The following LHFPL3 variants were observed in gnomAD, a reference collection of about 807,000 sequenced individuals.
The protein encoded by LHFPL3 is LHFPL tetraspan subfamily member 3 protein.
A neutral mutation model predicts 19.3 loss-of-function variants in LHFPL3; 5 were observed. The ratio of observed to expected loss-of-function variants is 0.26; its 90% CI spans 0.14 to 0.54. The LOEUF is 0.54. LHFPL3 is among the 20% of genes least tolerant of loss of function. The pLI is 0.94. For synonymous variants in LHFPL3, 133 were observed against 126.2 expected, an observed-to-expected ratio of 1.05 and a Z score of -0.36; for missense variants, 249 against 307.4, an observed-to-expected ratio of 0.81 and a Z score of 1.42.
At chr7:104,446,289 AAC>A (rs1250977696) in intron 1 of LHFPL3, among the ~76,000 whole-genome samples, 1 of 152,172 alleles carries the variant, frequency 6.6e-6, no homozygotes, top group African/African-American at 2.4e-5. Flanking sequence ...CAAATATAAA[AAC>A]ACAGTCACTG....
intron 1 of LHFPL3, among the ~76,000 whole-genome samples, chr7:104,685,439 A>AAC (rs888359382): frequency 2.6e-5 from 4 of 151,648 alleles, no homozygotes; most frequent in Admixed American, 6.6e-5. Context: ...AGTGTGTGTA[A>AAC]ACACACACAC....
Position 104,718,339 on chromosome 7 carries a change from G to A in LHFPL3, c.446-18336G>A, listed in dbSNP as rs554804196. ...ATTAAGGGGGAAAAAAGCTGCATTC[G>A]TGCCATATTCTGTTTTAGGAAAGTG... On this transcript the variant is annotated intron_variant, in intron 1 of 2. Transcript: ENST00000424859. Among the ~76,000 whole-genome samples the A allele has an allele frequency of 1.4e-4, 22 of 152,224 alleles. No homozygotes were observed. In the East Asian group the frequency reaches 3.3e-3, roughly 23 times the overall value.
intron 1 of LHFPL3, among the ~76,000 whole-genome samples, chr7:104,460,095 T>C (rs1336776941): frequency 6.6e-6 from 1 of 152,152 alleles, no homozygotes; most frequent in African/African-American, 2.4e-5. Context: ...CACTTATAAG[T>C]GTGGTATTTG....
intron 1 of LHFPL3, among the ~76,000 whole-genome samples, chr7:104,712,022 T>C (rs986144929): frequency 1.3e-5 from 2 of 152,186 alleles, no homozygotes; most frequent in Non-Finnish European, 2.9e-5. Context: ...TACATTAGGA[T>C]ACATGGAAAG....
chr7:104,557,300 C>T (rs1316922812), intron 1 of LHFPL3, among the ~76,000 whole-genome samples: 1 of 152,174 alleles, frequency 6.6e-6, no homozygotes, highest in Non-Finnish European at 1.5e-5. Context: ...GTTTAATGGA[C>T]TTACAGTTCC....
intron 1 of LHFPL3, among the ~76,000 whole-genome samples, chr7:104,339,330 C>G (rs1370496808): frequency 6.6e-6 from 1 of 152,158 alleles, no homozygotes; most frequent in Non-Finnish European, 1.5e-5. Context: ...GTTTGACCCT[C>G]ATAACAATCC....
At chr7:104,821,632 G>C (rs189265885) in intron 2 of LHFPL3, among the ~76,000 whole-genome samples, 18 of 152,292 alleles carry the variant, frequency 1.2e-4, no homozygotes, top group Non-Finnish European at 1.9e-4. Context: ...CAACATGAAA[G>C]AGCTAGGACA....
chr7:104,526,223 A>C (rs1021696706), intron 1 of LHFPL3, among the ~76,000 whole-genome samples: 4 of 152,230 alleles, frequency 2.6e-5, no homozygotes, highest in African/African-American at 9.6e-5. Context: ...CTAAGTCAAC[A>C]GTTAGGAAAA....
In LHFPL3 at chr7:104,525,753, C is replaced by A. The variant is rs112135626; in HGVS notation, c.445+196529C>A. Among the ~76,000 whole-genome samples, 1,412 of 152,000 alleles carry A rather than the reference C, an allele frequency of 9.3e-3. 22 individuals carry two copies. Among genetic ancestry groups the A allele is most frequent in the African/African-American group, 0.032 (1,340 of 41,484 alleles). On this transcript the variant is annotated intron_variant, in intron 1 of 2. Coordinates refer to ENST00000424859, the MANE Select transcript of LHFPL3 (RefSeq NM_199000.3). The stretch of plus-strand genomic sequence containing the variant: ...TGCAGAGTAGCTGGGATTACAAGCG[C>A]GTACCTCCACGCCAGGCTAATTTTT...
Position 104,666,651 on chromosome 7 carries a change from A to C in LHFPL3, c.446-70024A>C, listed in dbSNP as rs1198519007. Among the ~76,000 whole-genome samples, 34 of 142,402 alleles carry C rather than the reference A, an allele frequency of 2.4e-4. No homozygotes were observed. In the South Asian group the frequency reaches 4.0e-3, roughly 17 times the overall value. 93.4% of individuals were successfully genotyped at this position (142,402 alleles called of 152,430 possible). The stretch of plus-strand genomic sequence containing the variant: ...ATTCTCCTGCCTCAGCCTCCCAAGT[A>C]GCTGGGACTACAGGCGCCCGCCACT... On this transcript the variant is annotated intron_variant, in intron 1 of 2. Transcript: ENST00000424859.
intron 1 of LHFPL3, among the ~76,000 whole-genome samples, chr7:104,348,013 G>C (rs1316086847): frequency 6.6e-6 from 1 of 152,174 alleles, no homozygotes; most frequent in East Asian, 1.9e-4. Flanking sequence ...TATAGAGAAA[G>C]GGTTAACATA....
chr7:104,361,068 C>T (rs1584266758), intron 1 of LHFPL3, among the ~76,000 whole-genome samples: 1 of 152,134 alleles, frequency 6.6e-6, no homozygotes, highest in Non-Finnish European at 1.5e-5. Flanking sequence ...TTATTAGAAC[C>T]CAGCCATGCT....
chr7:104,905,970 T>C (rs1399717539), intron 2 of LHFPL3, among the ~76,000 whole-genome samples: 1 of 152,242 alleles, frequency 6.6e-6, no homozygotes, highest in Non-Finnish European at 1.5e-5. Flanking sequence ...GGAATACTCA[T>C]GTTCTTCTTG....
intron 2 of LHFPL3, among the ~76,000 whole-genome samples, chr7:104,809,547 G>GT (rs1790426996): frequency 1.3e-5 from 2 of 152,128 alleles, no homozygotes; most frequent in African/African-American, 2.4e-5. Flanking sequence ...TTTTTGACAT[G>GT]TTTTTTCTTA....
chr7:104,803,071 T>A (rs1418573122), intron 2 of LHFPL3: 1 of 152,230 alleles, frequency 6.6e-6, no homozygotes, highest in Non-Finnish European at 1.5e-5. Flanking sequence ...CTCTCACACA[T>A]TCCAAGTTCA....
intron 2 of LHFPL3, among the ~76,000 whole-genome samples, chr7:104,849,822 T>G (rs1791382940): frequency 6.6e-6 from 1 of 152,226 alleles, no homozygotes; most frequent in Admixed American, 6.5e-5. Flanking sequence ...AATGGGGGCC[T>G]TATGGCCCAT....
chr7:104,893,104 C>T (rs918567324), intron 2 of LHFPL3, among the ~76,000 whole-genome samples: 3 of 151,806 alleles, frequency 2.0e-5, no homozygotes, highest in African/African-American at 7.3e-5. Context: ...GCCATAGCTA[C>T]TCGGGAGGCT....
chr7:104,470,256 A>G (rs1792881430), intron 1 of LHFPL3, among the ~76,000 whole-genome samples: 1 of 152,222 alleles, frequency 6.6e-6, no homozygotes, highest in Non-Finnish European at 1.5e-5. Context: ...TTTATTGATA[A>G]TTCTATTCCA....
intron 2 of LHFPL3, among the ~76,000 whole-genome samples, chr7:104,823,526 C>T (rs560629500): frequency 6.6e-5 from 10 of 152,224 alleles, no homozygotes; most frequent in African/African-American, 1.9e-4. Flanking sequence ...TTTTCTATGA[C>T]GTATTTCCTC....
Sources: gnomAD v4.1 joint callset for allele counts (sites outside exome capture counted in the v4.1 genomes callset) on GRCh38, gnomAD v4.1.1 for gene constraint, MANE v1.5 for transcripts, NCBI Gene and HGNC (gene_info 2026-07-23, HGNC 2026-07-21) for gene names.